TEKT2: variants seen among roughly 807,000 people sequenced by gnomAD.
TEKT2 encodes tektin-2.
TEKT2 carries 45 observed loss-of-function variants against 49.8 expected under a neutral mutation model. The ratio of observed to expected loss-of-function variants is 0.90; its 90% CI spans 0.71 to 1.16. TEKT2 has a LOEUF of 1.16. TEKT2 is among the 50% of genes most tolerant of loss of function. The probability of loss-of-function intolerance (pLI) is 0.00; values close to 1 mark genes in which losing one functional copy is unlikely to be tolerated. For synonymous variants in TEKT2, 202 were observed against 224.6 expected, an observed-to-expected ratio of 0.90 and a Z score of 0.90; for missense variants, 523 against 551.4, an observed-to-expected ratio of 0.95 and a Z score of 0.52.
chr1:36,087,416 A>G lies in TEKT2; in HGVS notation c.856-23A>G. The G allele has an allele frequency of 6.2e-7, 1 of 1,613,814 alleles. No homozygotes were observed. The highest frequency in any genetic ancestry group is 8.5e-7 in the Non-Finnish European group (1 of 1,180,026). On this transcript the variant is annotated intron_variant, in intron 7 of 9. Coordinates refer to ENST00000207457, the MANE Select transcript of TEKT2 (RefSeq NM_014466.3). This position sits in a 1 kb window ranked among gnomAD's most constrained non-coding sequence, Gnocchi z 4.9. ...ATGCACGTGAGTCCAGCAGGTGGAA[A>G]CCAGTCACTCTGTCCCCTGCAGACC...
intron 2 of TEKT2, 42 bp from the exon 3 acceptor site, chr1:36,085,121 C>T (rs1227293766): frequency 1.2e-6 from 2 of 1,614,242 alleles, no homozygotes; most frequent in Admixed American, 3.3e-5. Context: ...GGATAGCCCC[C>T]AACCCCTTGA....
rs1172645589 is a variant in TEKT2 at position 36,087,622 on chromosome 1, A to C, written c.999+40A>C. 1 of 1,613,300 alleles carries C rather than the reference A, an allele frequency of 6.2e-7. No individual in the cohort carries two copies. The highest frequency in any genetic ancestry group is 1.1e-5 in the South Asian group (1 of 91,040). On this transcript the variant is annotated intron_variant, in intron 8 of 9. Coordinates refer to ENST00000207457, the MANE Select transcript of TEKT2 (RefSeq NM_014466.3). This position sits in a 1 kb window ranked among gnomAD's most constrained non-coding sequence, Gnocchi z 4.9. Reference sequence around the variant, plus strand: ...CAGTGGCGCACGGGCCCCCTAGCCAAGGTTTTCTCATATTCCTGATGGAGC... The same window carrying C: ...CAGTGGCGCACGGGCCCCCTAGCCACGGTTTTCTCATATTCCTGATGGAGC...
chr1:36,087,690 T>A lies in TEKT2; in HGVS notation c.1000-38T>A. ...GGGGCAGCACTCAGGTAAAGGACAGTGTGGCTGACTTGGAACTCCCAACCC... is the reference window on the plus strand; with the variant it reads ...GGGGCAGCACTCAGGTAAAGGACAGAGTGGCTGACTTGGAACTCCCAACCC... On this transcript the variant is annotated intron_variant, in intron 8 of 9. Transcript: ENST00000207457. The surrounding 1 kb of genome is among the most constrained non-coding windows in gnomAD (Gnocchi z 4.9). 6.2e-7 allele frequency: 1 copy of A among 1,612,772 alleles called. No individual in the cohort carries two copies. The highest frequency in any genetic ancestry group is 8.5e-7 in the Non-Finnish European group (1 of 1,179,550).
chr1:36,086,239 G>A (rs1425852701), intron 4 of TEKT2, among the ~76,000 whole-genome samples, 198 bp downstream of exon 4: 3 of 152,072 alleles, frequency 2.0e-5, no homozygotes, highest in Non-Finnish European at 2.9e-5. Flanking sequence ...TACTTCTCAC[G>A]ACCCTGCCCT....
chr1:36,085,507 C>CTTTTTTTTTTTTTTT (rs1159834731), intron 3 of TEKT2, among the ~76,000 whole-genome samples: 12 of 82,554 alleles, frequency 1.5e-4, no homozygotes, highest in African/African-American at 2.8e-4. Context: ...TCTTTCTTTT[C>CTTTTTTTTTTTTTTT]TTTTTTTTTT....
In TEKT2 at chr1:36,087,206, C is replaced by G; in HGVS notation, c.750C>G (p.Thr250=). 6.2e-7 allele frequency: 1 copy of G among 1,614,120 alleles called. No homozygotes were observed. The highest frequency in any genetic ancestry group is 8.5e-7 in the Non-Finnish European group (1 of 1,180,034). The change falls in exon 7 of 10, where the codon ACC becomes ACG. Residue 250 remains threonine (T), a splice_region_variant and synonymous_variant. Transcript: ENST00000207457. This position sits in a 1 kb window ranked among gnomAD's most constrained non-coding sequence, Gnocchi z 4.9. ...REATALTIAE[T]NNELEAQRVA... is the part of the protein sequence containing the mutation. ...TTGCCCTGTGTTTTCTCCTTCAGAC[C>G]AACAACGAGCTTGAAGCCCAGAGAG...
chr1:36,087,576 G>A lies in TEKT2; in HGVS notation c.993G>A (p.Arg331=). 9 of 1,613,758 alleles carry A rather than the reference G, an allele frequency of 5.6e-6. No homozygotes were observed. The highest frequency in any genetic ancestry group is 7.6e-6 in the Non-Finnish European group (9 of 1,180,010). Residue 331 remains arginine, a synonymous_variant, in exon 8 of 10, where the codon CGG becomes CGA. Coordinates refer to ENST00000207457, the MANE Select transcript of TEKT2 (RefSeq NM_014466.3). The surrounding 1 kb of genome is among the most constrained non-coding windows in gnomAD (Gnocchi z 4.9). ...RTYRPNVELC[R]DQAQYGLTDE... ...ACCGGCCCAACGTGGAACTCTGCCG[G>A]GACCAGGTGAGAGGGTGTCCCAGTG...
At position 36,087,752 on chromosome 1, in the gene TEKT2, G is replaced by T; in HGVS notation, c.1024G>T (p.Val342Phe). ...DQAQYGLTDE[V>F]HQLEATIAAL... ...GGCACAGTACGGCCTCACCGACGAG[G>T]TTCACCAGCTAGAGGCAACCATCGC... Residue 342 changes from valine to phenylalanine, a missense_variant, in exon 9 of 10, where the codon GTT becomes TTT. Physicochemically the swap from Val to Phe is conservative, Grantham distance 50. Transcript: ENST00000207457. This position sits in a 1 kb window ranked among gnomAD's most constrained non-coding sequence, Gnocchi z 4.9. 1 of 1,613,846 alleles carries T rather than the reference G, an allele frequency of 6.2e-7. No homozygotes were observed. The highest frequency in any genetic ancestry group is 8.5e-7 in the Non-Finnish European group (1 of 1,180,020).
rs756897744 is a variant in TEKT2, at chr1:36,086,967, G to T, written c.669G>T (p.Arg223=). 4 of 1,613,918 alleles carry T rather than the reference G, an allele frequency of 2.5e-6. No homozygotes were observed. In the South Asian group the frequency reaches 4.4e-5, roughly 18 times the overall value. ...TTLQQWDDFS[R]FNKDRAEAEM... The stretch of plus-strand genomic sequence containing the variant: ...TCCAGCAGTGGGATGACTTCAGTCG[G>T]TTCAACAAGGACCGAGCGGAGGCTG... The change falls in exon 6 of 10, where the codon CGG becomes CGT. Residue 223 remains arginine, a synonymous_variant. Transcript: ENST00000207457.
At chr1:36,085,338 C>T (rs760085034) in intron 3 of TEKT2, 50 bp downstream of exon 3, 1 of 1,612,008 alleles carries the variant, frequency 6.2e-7, no homozygotes, top group East Asian at 2.2e-5. Context: ...AACCTCCCCT[C>T]CTTCCCCACA....
rs80118300 is a variant in TEKT2 at position 36,086,980 on chromosome 1, C to G, written c.682C>G (p.Arg228Gly). ...WDDFSRFNKDRAEAEMKAATE... is the reference protein window; with the variant it reads ...WDDFSRFNKDGAEAEMKAATE... ...TGACTTCAGTCGGTTCAACAAGGAC[C>G]GAGCGGAGGCTGAGATGAAGGCAGC... The change falls in exon 6 of 10, where the codon CGA (arginine) becomes GGA (glycine). Residue 228 changes from arginine to glycine, a missense_variant. Transcript: ENST00000207457. 2 of 1,613,802 alleles carry G rather than the reference C, an allele frequency of 1.2e-6. No homozygotes were observed. Among genetic ancestry groups the G allele is most frequent in the Non-Finnish European group, 1.7e-6 (2 of 1,180,032 alleles).
chr1:36,087,175 C>T lies in TEKT2; in HGVS notation c.748-29C>T, dbSNP rs41267267. 4.0e-3 allele frequency: 6,464 copies of T among 1,613,148 alleles called. 11 individuals carry two copies. The highest frequency in any genetic ancestry group is 4.4e-3 in the Non-Finnish European group (5,192 of 1,179,336). ...CCTCAGGCAGCCCTGAGTGTAGACC[C>T]TCCCCTTGCCCTGTGTTTTCTCCTT... On this transcript the variant is annotated intron_variant, in intron 6 of 9. Coordinates refer to ENST00000207457, the MANE Select transcript of TEKT2 (RefSeq NM_014466.3). The surrounding 1 kb of genome is among the most constrained non-coding windows in gnomAD (Gnocchi z 4.9).
At position 36,085,976 on chromosome 1, in the gene TEKT2, G is replaced by A; in HGVS notation, c.423G>A (p.Val141=). 1 of 1,611,520 alleles carries A rather than the reference G, an allele frequency of 6.2e-7. No homozygotes were observed. The highest frequency in any genetic ancestry group is 8.5e-7 in the Non-Finnish European group (1 of 1,178,796). Residue 141 remains valine, a synonymous_variant, in exon 4 of 10, where the codon GTG becomes GTA. Transcript: ENST00000207457. ...DPVEDELHKE[V]EVIEATKKAL... is the part of the protein sequence containing the mutation. The stretch of plus-strand genomic sequence containing the variant: ...TGGAGGATGAGCTGCATAAAGAGGT[G>A]GAGGTCATCGAGGCCACCAAGAAGG...
rs865970024 is a variant in TEKT2 at position 36,087,254 on chromosome 1, G to A, written c.798G>A (p.Arg266=). ...GAGTTGCAACGGAATTTGCCTTCAG[G>A]AAGCGGCTGCGGGAGATGGAGAAAG... ...AQRVATEFAF[R]KRLREMEKVY... is the part of the protein sequence containing the mutation. The change falls in exon 7 of 10, where the codon AGG becomes AGA. Residue 266 remains arginine, a synonymous_variant. Transcript: ENST00000207457. This position sits in a 1 kb window ranked among gnomAD's most constrained non-coding sequence, Gnocchi z 4.9. 14 of 1,614,048 alleles carry A rather than the reference G, an allele frequency of 8.7e-6. No individual in the cohort carries two copies. The South Asian group carries it at 1.2e-4, about 14-fold the overall frequency.
Position 36,086,063 on chromosome 1 carries a change from C to T in TEKT2, c.488+22C>T, listed in dbSNP as rs188482509. On this transcript the variant is annotated intron_variant, in intron 4 of 9. Coordinates refer to ENST00000207457, the MANE Select transcript of TEKT2 (RefSeq NM_014466.3). The stretch of plus-strand genomic sequence containing the variant: ...TCTGGTAAGGGAGAGGCAGGTCGTC[C>T]GCATGTTCATGGGCCCCTGGAGGCT... The T allele has an allele frequency of 1.5e-4, 237 of 1,557,724 alleles. No individual in the cohort carries two copies. The African/African-American group carries it at 2.8e-3, about 19-fold the overall frequency.
Position 36,084,751 on chromosome 1 carries a change from G to A in TEKT2, c.-52-119G>A. 1 of 926,976 alleles carries A rather than the reference G, an allele frequency of 1.1e-6. No homozygotes were observed. Among genetic ancestry groups the A allele is most frequent in the Non-Finnish European group, 1.7e-6 (1 of 584,820 alleles). 57.4% of individuals were successfully genotyped at this position (926,976 alleles called of 1,614,324 possible). The stretch of plus-strand genomic sequence containing the variant: ...TGAGTAAAGCAAGGGCTGTCTCCAA[G>A]CAGGCTTCCAGCAGGACAGGGCTCA... On this transcript the variant is annotated intron_variant, in intron 1 of 9. Coordinates refer to ENST00000207457, the MANE Select transcript of TEKT2 (RefSeq NM_014466.3). This position sits in a 1 kb window ranked among gnomAD's most constrained non-coding sequence, Gnocchi z 4.1.
At chr1:36,086,605 G>A (rs556844145) in intron 4 of TEKT2, 99 bp from the exon 5 acceptor site, 2 of 1,537,844 alleles carry the variant, frequency 1.3e-6, no homozygotes, top group Non-Finnish European at 1.8e-6. Flanking sequence ...GCTGGGAAGG[G>A]TCACCCCAGC....
chr1:36,085,967 T>C lies in TEKT2; in HGVS notation c.414T>C (p.His138=), dbSNP rs886283606. Residue 138 remains histidine, a synonymous_variant, in exon 4 of 10, where the codon CAT becomes CAC. Coordinates refer to ENST00000207457, the MANE Select transcript of TEKT2 (RefSeq NM_014466.3). ...VVKDPVEDEL[H]KEVEVIEATK... ...AGGACCCTGTGGAGGATGAGCTGCA[T>C]AAAGAGGTGGAGGTCATCGAGGCCA... 1 of 1,612,936 alleles carries C rather than the reference T, an allele frequency of 6.2e-7. No homozygotes were observed. Among genetic ancestry groups the C allele is most frequent in the Non-Finnish European group, 8.5e-7 (1 of 1,179,540 alleles).
chr1:36,087,449 A>C lies in TEKT2; in HGVS notation c.866A>C (p.Glu289Ala). Residue 289 changes from glutamate to alanine, a missense_variant, in exon 8 of 10, where the codon GAG (glutamate) becomes GCG (alanine). Transcript: ENST00000207457. This position sits in a 1 kb window ranked among gnomAD's most constrained non-coding sequence, Gnocchi z 4.9. ...CTCTGTCCCCTGCAGACCTTGGAGG[A>C]GATCGCTGAGCTGCAGGAGGACATC... ...LKWQEKNTLE[E>A]IAELQEDIRH... 6.2e-7 allele frequency: 1 copy of C among 1,613,772 alleles called. No homozygotes were observed. Among genetic ancestry groups the C allele is most frequent in the Non-Finnish European group, 8.5e-7 (1 of 1,180,032 alleles).
Sources: allele counts gnomAD v4.1 joint callset (sites outside exome capture counted in the v4.1 genomes callset), GRCh38; gene constraint gnomAD v4.1.1; non-coding constraint Gnocchi (gnomAD v3.1); transcripts MANE v1.5; gene names NCBI Gene and HGNC (gene_info 2026-07-23, HGNC 2026-07-21).